The following GNA11 variants were observed in gnomAD, a reference collection of about 807,000 sequenced individuals.
GNA11 encodes the protein G protein subunit alpha 11, also known as guanine nucleotide-binding protein subunit alpha-11.
In GNA11, 8 loss-of-function variants were observed where a neutral mutation model predicts 38.2. The ratio of observed to expected loss-of-function variants is 0.21; its 90% CI spans 0.12 to 0.38. The LOEUF is 0.38. GNA11 is among the 10% of genes least tolerant of loss of function. The pLI, the probability that GNA11 is intolerant of heterozygous loss-of-function variation, is 1.00. For synonymous variants in GNA11, 211 were observed against 221.4 expected, an observed-to-expected ratio of 0.95 and a Z score of 0.42; for missense variants, 268 against 516.3, an observed-to-expected ratio of 0.52 and a Z score of 4.66.
intron 1 of GNA11, among the ~76,000 whole-genome samples, chr19:3,107,567 C>T (rs1367934780): frequency 6.6e-6 from 1 of 152,184 alleles, no homozygotes; most frequent in African/African-American, 2.4e-5. Context: ...TGAGTGTTTG[C>T]TGTTTCCAGG....
intron 1 of GNA11, among the ~76,000 whole-genome samples, chr19:3,097,123 C>G (rs1057159805): frequency 6.6e-6 from 1 of 152,126 alleles, no homozygotes; most frequent in Admixed American, 6.5e-5. Flanking sequence ...TAGGCCAGCC[C>G]CGAGCTTGCG....
chr19:3,120,913 G>A lies in GNA11; in HGVS notation c.890-76G>A. On this transcript the variant is annotated intron_variant, in intron 6 of 6. Coordinates refer to ENST00000078429, the MANE Select transcript of GNA11 (RefSeq NM_002067.5). The surrounding 1 kb of genome is among the most constrained non-coding windows in gnomAD (Gnocchi z 5.9). Reference sequence around the variant, plus strand: ...GTGGGCCTTACTCGCTCATCCCCTGGGAGTGACAAAGGGGCCCACGAGTCC... The same window carrying A: ...GTGGGCCTTACTCGCTCATCCCCTGAGAGTGACAAAGGGGCCCACGAGTCC... 4 of 1,111,672 alleles carry A rather than the reference G, an allele frequency of 3.6e-6. No individual in the cohort carries two copies. In the South Asian group the frequency reaches 4.2e-5, roughly 12 times the overall value. 68.9% of individuals were successfully genotyped at this position (1,111,672 alleles called of 1,614,324 possible).
chr19:3,104,280 C>T (rs1599298728), intron 1 of GNA11, among the ~76,000 whole-genome samples: 1 of 152,258 alleles, frequency 6.6e-6, no homozygotes, highest in Non-Finnish European at 1.5e-5. Flanking sequence ...CAGATCTTGG[C>T]CAGCGGGTCC....
chr19:3,119,195 G>A lies in GNA11; in HGVS notation c.736-11G>A, dbSNP rs755520418. ...GGCCCCTCTGATTCCCTCTGCCTTCGCTCCCGCCAGAACCGGATGGAGGAG... is the reference window on the plus strand; with the variant it reads ...GGCCCCTCTGATTCCCTCTGCCTTCACTCCCGCCAGAACCGGATGGAGGAG... On this transcript the variant is annotated splice_polypyrimidine_tract_variant and intron_variant, in intron 5 of 6. Coordinates refer to ENST00000078429, the MANE Select transcript of GNA11 (RefSeq NM_002067.5). This position sits in a 1 kb window ranked among gnomAD's most constrained non-coding sequence, Gnocchi z 4.6. 1.9e-5 allele frequency: 31 copies of A among 1,612,228 alleles called. No homozygotes were observed. In the East Asian group the frequency reaches 2.0e-4, roughly 10 times the overall value.
chr19:3,097,649 C>T (rs1269016768), intron 1 of GNA11, among the ~76,000 whole-genome samples: 8 of 152,372 alleles, frequency 5.3e-5, no homozygotes, highest in East Asian at 1.9e-4. Context: ...GAGGACATTC[C>T]GTGCCCCGTT....
In GNA11 at chr19:3,116,760, C is replaced by T. The variant is rs576389807; in HGVS notation, c.605+1688C>T. On this transcript the variant is annotated intron_variant, in intron 4 of 6. Transcript: ENST00000078429. ...GGTGCCTTCTCCTGCAGTGCAAGCT[C>T]GCCCTGGCACTGGCCCTCATGAGGG... is the stretch of plus-strand genomic sequence containing the variant. 2.4e-3 allele frequency among the ~76,000 whole-genome samples: 373 copies of T among 152,330 alleles called. 2 individuals are homozygous for T. The highest frequency in any genetic ancestry group is 8.5e-3 in the African/African-American group (353 of 41,574).
chr19:3,118,862 TG>T, intron 4 of GNA11, 61 bp from the exon 5 acceptor site: 1 of 1,545,596 alleles, frequency 6.5e-7, no homozygotes, highest in Non-Finnish European at 8.9e-7. Flanking sequence ...GGAGCCGTCC[TG>T]GGATTGCAGA....
At chr19:3,109,894 A>G (rs1231163799) in intron 1 of GNA11, among the ~76,000 whole-genome samples, 3 of 152,140 alleles carry the variant, frequency 2.0e-5, no homozygotes, top group Non-Finnish European at 4.4e-5. Flanking sequence ...CCCCCAGGAA[A>G]GTGTGTCCTT....
rs747394407 is a variant in GNA11 at position 3,108,834 on chromosome 19, A to G, written c.137-1315A>G. 6.6e-6 allele frequency among the ~76,000 whole-genome samples: 1 copy of G among 152,072 alleles called. No homozygotes were observed. ...AGGGGCCACATCATTTGAAGGCTGG[A>G]CTGGAGCTGGAGGAGCCACTCACAA... On this transcript the variant is annotated intron_variant, in intron 1 of 6. Transcript: ENST00000078429. This position sits in a 1 kb window ranked among gnomAD's most constrained non-coding sequence, Gnocchi z 4.5.
chr19:3,109,309 C>T (rs1446381437), intron 1 of GNA11, among the ~76,000 whole-genome samples: 2 of 152,202 alleles, frequency 1.3e-5, no homozygotes, highest in Admixed American at 6.5e-5. Flanking sequence ...GTGGGGGGCT[C>T]ATCTGGAGGC....
chr19:3,107,782 G>A (rs1407557445), intron 1 of GNA11, among the ~76,000 whole-genome samples: 1 of 152,146 alleles, frequency 6.6e-6, no homozygotes, highest in Non-Finnish European at 1.5e-5. Context: ...CAGGGCCCAG[G>A]GTTCAGCACC....
intron 1 of GNA11, among the ~76,000 whole-genome samples, chr19:3,104,841 C>T (rs183696501): frequency 3.9e-4 from 59 of 152,278 alleles, no homozygotes; most frequent in Non-Finnish European, 7.2e-4. Context: ...GGGTGCTGGG[C>T]GCTTCCTGAA....
In GNA11 at chr19:3,120,843, G is replaced by A. The variant is rs564352329; in HGVS notation, c.890-146G>A. On this transcript the variant is annotated intron_variant, in intron 6 of 6. Coordinates refer to ENST00000078429, the MANE Select transcript of GNA11 (RefSeq NM_002067.5). This position sits in a 1 kb window ranked among gnomAD's most constrained non-coding sequence, Gnocchi z 5.9. ...TCACCTGGGGAGGGAGGGGAGCTGC[G>A]GCCCGTCAGGCATGCAGTGGGCTGG... The A allele has an allele frequency of 1.5e-4, 91 of 602,770 alleles. No homozygotes were observed. The highest frequency in any genetic ancestry group is 1.3e-3 in the African/African-American group (71 of 53,768). The allele number at this position is 602,770 out of a possible 1,614,324, so 37.3% of individuals were successfully genotyped here. A position where few individuals can be genotyped will look rare whatever the true frequency, so the allele number is the denominator to read the frequency against.
chr19:3,097,667 T>TG (rs1221756157), intron 1 of GNA11, among the ~76,000 whole-genome samples: 3 of 152,012 alleles, frequency 2.0e-5, no homozygotes, highest in South Asian at 2.1e-4. Context: ...GTTTTCGGGG[T>TG]GGGGGGGACC....
At position 3,114,924 on chromosome 19, in the gene GNA11, C is replaced by A. The variant is rs372626944; in HGVS notation, c.477-20C>A. 1 of 1,592,236 alleles carries A rather than the reference C, an allele frequency of 6.3e-7. No individual in the cohort carries two copies. The highest frequency in any genetic ancestry group is 1.1e-5 in the South Asian group (1 of 89,092). On this transcript the variant is annotated intron_variant, in intron 3 of 6. Transcript: ENST00000078429. ...CCCCACCCCCGGCAGCCGGCCTGAG[C>A]ACCCACCGCTGTGTTGCAGCTACCT...
intron 4 of GNA11, 151 bp from the exon 5 acceptor site, chr19:3,118,773 C>A: frequency 2.9e-6 from 2 of 695,080 alleles, no homozygotes; most frequent in South Asian, 1.8e-5. Context: ...TCTCTGAGAG[C>A]GTCCTTGCCC....
chr19:3,114,843 C>CT (rs1568283507), intron 3 of GNA11, 101 bp from the exon 4 acceptor site: 1 of 1,190,642 alleles, frequency 8.4e-7, no homozygotes, highest in Non-Finnish European at 1.2e-6. Context: ...GGTCCACCCC[C>CT]TCCTGGTGGC....
intron 1 of GNA11, among the ~76,000 whole-genome samples, chr19:3,104,564 C>T (rs1242634125): frequency 1.3e-5 from 2 of 152,224 alleles, no homozygotes; most frequent in Admixed American, 1.3e-4. Flanking sequence ...TGGTGACATG[C>T]AGTCAGGTCC....
intron 1 of GNA11, among the ~76,000 whole-genome samples, chr19:3,102,218 C>T (rs1024734264): frequency 4.6e-5 from 7 of 152,168 alleles, no homozygotes; most frequent in Non-Finnish European, 1.0e-4. Context: ...CCAGTCTGCA[C>T]GGAAGCCTCA....
Sources: allele counts gnomAD v4.1 joint callset (sites outside exome capture counted in the v4.1 genomes callset), GRCh38; gene constraint gnomAD v4.1.1; non-coding constraint Gnocchi (gnomAD v3.1); transcripts MANE v1.5; gene names NCBI Gene and HGNC (gene_info 2026-07-23, HGNC 2026-07-21).